Variants in MYO3B observed in about 807,000 individuals in gnomAD.
The protein encoded by MYO3B is myosin IIIB.
Under a neutral mutation model 174.6 loss-of-function variants are expected in MYO3B, and 156 were observed. That is an observed-to-expected ratio of 0.89 (90% CI 0.78 to 1.02). The LOEUF (loss-of-function observed/expected upper bound fraction) is 1.02, where lower values mean the gene tolerates loss of function less well. Among genes scored for constraint, MYO3B ranks in the 50% least tolerant of loss-of-function variants. The pLI is 0.00. For synonymous variants in MYO3B, 563 were observed against 569.1 expected, an observed-to-expected ratio of 0.99 and a Z score of 0.15; for missense variants, 1,632 against 1,639.4, an observed-to-expected ratio of 1.00 and a Z score of 0.08.
intron 25 of MYO3B, among the ~76,000 whole-genome samples, chr2:170,481,328 C>T (rs1476241536): frequency 1.3e-5 from 2 of 152,176 alleles, no homozygotes; most frequent in Non-Finnish European, 2.9e-5. Context: ...TGCAGTGGCT[C>T]GCGCCTGTAA....
chr2:170,297,598 T>C (rs1371206155), intron 7 of MYO3B, among the ~76,000 whole-genome samples: 1 of 152,228 alleles, frequency 6.6e-6, no homozygotes, highest in Admixed American at 6.5e-5. Flanking sequence ...TGCATTTTAA[T>C]GTGATTGCGA....
intron 27 of MYO3B, 123 bp from the exon 28 acceptor site, chr2:170,501,662 T>A (rs970451203): frequency 1.6e-6 from 1 of 635,902 alleles, no homozygotes; most frequent in East Asian, 2.8e-5. Context: ...CTTATTTTGT[T>A]CAGTGAGAAA....
chr2:170,559,972 C>T (rs1691598253), intron 32 of MYO3B, among the ~76,000 whole-genome samples: 1 of 152,110 alleles, frequency 6.6e-6, no homozygotes, highest in Non-Finnish European at 1.5e-5. Context: ...GATTCTGGGT[C>T]AGGACTTATC....
At chr2:170,568,613 A>G (rs1402938159) in intron 32 of MYO3B, among the ~76,000 whole-genome samples, 1 of 152,170 alleles carries the variant, frequency 6.6e-6, no homozygotes, top group Non-Finnish European at 1.5e-5. Context: ...AGTTTGCCCC[A>G]CCACATTCTG....
At position 170,399,266 on chromosome 2, in the gene MYO3B, A is replaced by AAAAAAAAAAAC. The variant is rs779626511; in HGVS notation, c.1792-922_1792-921insAAAAAAAAAAC. ...TCAAAAAAAAAAAAAAAAAAAAAAA[A>AAAAAAAAAAAC]GAGAGAGACCAGTCTGGCCAACAGG... On this transcript the variant is annotated intron_variant, in intron 16 of 34. Coordinates refer to ENST00000408978, the MANE Select transcript of MYO3B (RefSeq NM_138995.5). 3.5e-5 allele frequency among the ~76,000 whole-genome samples: 2 copies of AAAAAAAAAAAC among 56,578 alleles called. 1 individual carries two copies. Among genetic ancestry groups the AAAAAAAAAAAC allele is most frequent in the Non-Finnish European group, 9.0e-5 (2 of 22,158 alleles). 37.1% of individuals were successfully genotyped at this position (56,578 alleles called of 152,430 possible).
At chr2:170,473,564 T>G (rs1685119734) in intron 25 of MYO3B, among the ~76,000 whole-genome samples, 1 of 152,202 alleles carries the variant, frequency 6.6e-6, no homozygotes, top group East Asian at 1.9e-4. Context: ...TGTACTGTAG[T>G]GTACAACCTA....
At chr2:170,555,874 A>AAATAATAAT (rs60315800) in intron 32 of MYO3B, among the ~76,000 whole-genome samples, 2 of 149,712 alleles carry the variant, frequency 1.3e-5, no homozygotes, top group African/African-American at 2.5e-5. Flanking sequence ...CCTATCTCTA[A>AAATAATAAT]AATAATAATA....
chr2:170,574,800 C>A (rs1033551950), intron 32 of MYO3B, among the ~76,000 whole-genome samples: 1 of 152,082 alleles, frequency 6.6e-6, no homozygotes, highest in African/African-American at 2.4e-5. Context: ...CAAAGAAAAT[C>A]TTTTAGTTCC....
intron 25 of MYO3B, among the ~76,000 whole-genome samples, chr2:170,490,581 T>C (rs1686407274): frequency 6.6e-6 from 1 of 152,132 alleles, no homozygotes; most frequent in Non-Finnish European, 1.5e-5. Flanking sequence ...CAATGTTGAA[T>C]AGGAGTGATG....
At chr2:170,595,223 G>A (rs752531892) in intron 32 of MYO3B, among the ~76,000 whole-genome samples, 9 of 152,142 alleles carry the variant, frequency 5.9e-5, no homozygotes, top group Non-Finnish European at 1.3e-4. Flanking sequence ...ACCAGGTAGG[G>A]GGTGTTCCAA....
At chr2:170,420,783 G>A (rs1260609757) in intron 22 of MYO3B, among the ~76,000 whole-genome samples, 1 of 152,062 alleles carries the variant, frequency 6.6e-6, no homozygotes, top group East Asian at 1.9e-4. Context: ...TACCAAACAT[G>A]TAGTCAGTAC....
intron 11 of MYO3B, 114 bp from the exon 12 acceptor site, chr2:170,383,596 C>T (rs181015956): frequency 6.5e-6 from 5 of 772,000 alleles, no homozygotes; most frequent in Non-Finnish European, 8.7e-6. Context: ...ACCCTACAGT[C>T]TTCCTAATGC....
rs192834638 is a variant in MYO3B at position 170,216,172 on chromosome 2, T to C, written c.527-1147T>C. ...CAGATCCTTGGCAAATCTATGCTCATGTTTCAAAGGTGTGTCCTTTGCTAA... is the reference window on the plus strand; with the variant it reads ...CAGATCCTTGGCAAATCTATGCTCACGTTTCAAAGGTGTGTCCTTTGCTAA... On this transcript the variant is annotated intron_variant, in intron 5 of 34. Transcript: ENST00000408978. Among the ~76,000 whole-genome samples the C allele has an allele frequency of 5.3e-4, 80 of 152,294 alleles. 2 individuals are homozygous for C. In the East Asian group the frequency reaches 0.015, roughly 28 times the overall value.
chr2:170,626,857 G>A (rs1183851876), intron 32 of MYO3B, among the ~76,000 whole-genome samples: 1 of 151,932 alleles, frequency 6.6e-6, no homozygotes, highest in East Asian at 1.9e-4. Flanking sequence ...CATTTCTTTA[G>A]GAATGTTGAA....
chr2:170,374,667 T>TCTAA (rs1314398364), intron 9 of MYO3B, among the ~76,000 whole-genome samples: 1 of 151,880 alleles, frequency 6.6e-6, no homozygotes, highest in African/African-American at 2.4e-5. Flanking sequence ...CTCTCCTGGG[T>TCTAA]CTAACCATTC....
At chr2:170,383,049 C>A in intron 10 of MYO3B, 24 bp from the exon 11 acceptor site, 1 of 1,407,144 alleles carries the variant, frequency 7.1e-7, no homozygotes, top group South Asian at 1.2e-5. Flanking sequence ...ATATTTACCT[C>A]AATACCATTT....
Position 170,410,461 on chromosome 2 carries a change from A to G in MYO3B, c.2650+2617A>G, listed in dbSNP as rs138352571. ...CCGGGTGTGGTGGCGGGCACCTGTAATCCCAGCTACTAGGGAGTCTGGAGC... is the reference window on the plus strand; with the variant it reads ...CCGGGTGTGGTGGCGGGCACCTGTAGTCCCAGCTACTAGGGAGTCTGGAGC... On this transcript the variant is annotated intron_variant, in intron 22 of 34. Coordinates refer to ENST00000408978, the MANE Select transcript of MYO3B (RefSeq NM_138995.5). Among the ~76,000 whole-genome samples the G allele has an allele frequency of 8.8e-3, 1,342 of 152,062 alleles. 14 individuals are homozygous for G. Among genetic ancestry groups the G allele is most frequent in the African/African-American group, 0.03 (1,232 of 41,490 alleles).
intron 32 of MYO3B, among the ~76,000 whole-genome samples, chr2:170,611,576 C>A (rs1432902160): frequency 2.6e-5 from 4 of 152,116 alleles, no homozygotes; most frequent in African/African-American, 9.7e-5. Context: ...AGTGTTTTCT[C>A]CTTGAAAGTT....
intron 22 of MYO3B, among the ~76,000 whole-genome samples, chr2:170,417,185 C>T (rs2094586213): frequency 6.6e-6 from 1 of 152,138 alleles, no homozygotes; most frequent in African/African-American, 2.4e-5. Flanking sequence ...GAGGTCTTCT[C>T]TGTCTACCCA....
Sources: allele counts gnomAD v4.1 joint callset (sites outside exome capture counted in the v4.1 genomes callset), GRCh38; gene constraint gnomAD v4.1.1; transcripts MANE v1.5; gene names NCBI Gene and HGNC (gene_info 2026-07-23, HGNC 2026-07-21).